Variants in NIM1K observed in about 807,000 individuals in gnomAD.
The protein encoded by NIM1K is NIM1 serine/threonine protein kinase, also known as serine/threonine-protein kinase NIM1.
A neutral mutation model predicts 37.1 loss-of-function variants in NIM1K; 35 were observed. The observed-to-expected ratio is 0.94, with a 90% CI of 0.72 to 1.25. The LOEUF is 1.25. Among genes scored for constraint, NIM1K ranks in the 50% most tolerant of loss-of-function variants. The probability of loss-of-function intolerance (pLI) is 0.00; values close to 1 mark genes in which losing one functional copy is unlikely to be tolerated. For missense variants in NIM1K, 564 were observed against 548.0 expected (o/e 1.03, Z -0.29); for synonymous variants, 234 against 206.6 (o/e 1.13, Z -1.14).
intron 3 of NIM1K, among the ~76,000 whole-genome samples, chr5:43,279,678 G>GT: frequency 6.6e-6 from 1 of 152,292 alleles, no homozygotes; most frequent in South Asian, 2.1e-4. Context: ...CTGTTTCATT[G>GT]TATTTCAGAA....
chr5:43,235,468 C>A (rs1443746299), intron 1 of NIM1K, among the ~76,000 whole-genome samples: 1 of 152,132 alleles, frequency 6.6e-6, no homozygotes, highest in Non-Finnish European at 1.5e-5. Flanking sequence ...CATTCCAGAC[C>A]CCACAGATGG....
chr5:43,259,228 G>GT (rs1191106488), intron 2 of NIM1K, among the ~76,000 whole-genome samples: 1 of 152,166 alleles, frequency 6.6e-6, no homozygotes, highest in Non-Finnish European at 1.5e-5. Flanking sequence ...GCATGCAGGT[G>GT]TTTTTTGATA....
chr5:43,194,187 C>T (rs747486002), intron 1 of NIM1K, among the ~76,000 whole-genome samples: 8 of 152,130 alleles, frequency 5.3e-5, no homozygotes, highest in Non-Finnish European at 1.0e-4. Flanking sequence ...GCCCAGATCG[C>T]CCTCGCCATT....
In NIM1K at chr5:43,229,048, C is replaced by G. The variant is rs573870643; in HGVS notation, c.-694-16034C>G. On this transcript the variant is annotated intron_variant, in intron 1 of 3. Transcript: ENST00000326035. ...ACTTTTTAAAACAATAACACGCTTA[C>G]TTGCTTCACCTTAGTTTCTTTAACA... Among the ~76,000 whole-genome samples the G allele has an allele frequency of 2.0e-5, 3 of 152,258 alleles. 1 individual carries two copies. The East Asian group carries it at 5.8e-4, about 29-fold the overall frequency.
At chr5:43,220,541 A>G (rs1004318379) in intron 1 of NIM1K, among the ~76,000 whole-genome samples, 18 of 152,130 alleles carry the variant, frequency 1.2e-4, no homozygotes, top group African/African-American at 4.3e-4. Context: ...TTGGCCTTCC[A>G]AAGTGCTGGG....
At chr5:43,193,364 T>C (rs1391460931) in intron 1 of NIM1K, 3 of 133,904 alleles carry the variant, frequency 2.2e-5, no homozygotes, top group African/African-American at 5.6e-5. Flanking sequence ...CCTCCCTCCC[T>C]CCCTTTCTCC....
rs1753417187 is a variant in NIM1K at position 43,280,226 on chromosome 5, C to A, written c.808C>A (p.Pro270Thr). Reference protein sequence around the residue: ...LLYFMVTGTMPFRAETVAKLK... With the variant: ...LLYFMVTGTMTFRAETVAKLK... Reference sequence around the variant, plus strand: ...GTACTTCATGGTGACTGGCACCATGCCATTTCGGGCAGAAACCGTGGCCAA... The same window carrying A: ...GTACTTCATGGTGACTGGCACCATGACATTTCGGGCAGAAACCGTGGCCAA... The change falls in exon 4 of 4, where the codon CCA becomes ACA. Residue 270 changes from proline (P) to threonine (T), a missense_variant. Physicochemically the swap from Pro to Thr is conservative, Grantham distance 38. Coordinates refer to ENST00000326035, the MANE Select transcript of NIM1K (RefSeq NM_153361.4). The A allele has an allele frequency of 6.2e-7, 1 of 1,614,068 alleles. No individual in the cohort carries two copies. Among genetic ancestry groups the A allele is most frequent in the Non-Finnish European group, 8.5e-7 (1 of 1,180,044 alleles).
At chr5:43,252,293 C>T (rs1389913181) in intron 2 of NIM1K, among the ~76,000 whole-genome samples, 2 of 151,990 alleles carry the variant, frequency 1.3e-5, no homozygotes, top group African/African-American at 4.8e-5. Context: ...TGTGTGGCCT[C>T]ACTGACATGC....
intron 1 of NIM1K, among the ~76,000 whole-genome samples, chr5:43,200,253 T>C (rs1751997693): frequency 6.6e-6 from 1 of 152,186 alleles, no homozygotes; most frequent in Non-Finnish European, 1.5e-5. Context: ...ACCCTTCTTA[T>C]TGAGCACTTG....
intron 1 of NIM1K, among the ~76,000 whole-genome samples, chr5:43,211,506 A>G (rs1343942548): frequency 6.6e-6 from 1 of 152,186 alleles, no homozygotes; most frequent in Non-Finnish European, 1.5e-5. Context: ...ACTGGGGGGA[A>G]TGTCAGTGAG....
intron 1 of NIM1K, among the ~76,000 whole-genome samples, chr5:43,193,813 GT>G (rs958524918): frequency 6.6e-6 from 1 of 152,122 alleles, no homozygotes; most frequent in Non-Finnish European, 1.5e-5. Flanking sequence ...GGTTGTCATG[GT>G]TACTGAAGAA....
intron 2 of NIM1K, among the ~76,000 whole-genome samples, chr5:43,260,918 T>C (rs934644966): frequency 1.3e-5 from 2 of 152,202 alleles, no homozygotes; most frequent in Admixed American, 6.5e-5. Flanking sequence ...GCTTCATCCA[T>C]GTCCCTGCAA....
chr5:43,193,282 T>C (rs1014782906), intron 1 of NIM1K: 1 of 151,976 alleles, frequency 6.6e-6, no homozygotes, highest in Admixed American at 6.6e-5. Flanking sequence ...TGTTTTTTCC[T>C]TCCCTCCTTC....
At chr5:43,204,499 C>G (rs1325635887) in intron 1 of NIM1K, among the ~76,000 whole-genome samples, 2 of 143,464 alleles carry the variant, frequency 1.4e-5, no homozygotes, top group African/African-American at 2.6e-5. Context: ...GTCAGGAGTT[C>G]AAGACCAGCC....
At chr5:43,278,788 C>A (rs1277373363) in intron 3 of NIM1K, among the ~76,000 whole-genome samples, 1 of 151,966 alleles carries the variant, frequency 6.6e-6, no homozygotes, top group East Asian at 1.9e-4. Flanking sequence ...GCCTAGAGGG[C>A]CCAAAATAGC....
Position 43,253,212 on chromosome 5 carries a change from A to ATAATATAATATATGTG in NIM1K, c.292+7146_292+7147insAATATAATATATGTGT, listed in dbSNP as rs1300038063. ...TATAATATAATATATAATATAATATATGTGTGTGTGTGTGTGTGTGTGTGT... is the reference window on the plus strand; with the variant it reads ...TATAATATAATATATAATATAATATATAATATAATATATGTGTGTGTGTGTGTGTGTGTGTGTGTGT... On this transcript the variant is annotated intron_variant, in intron 2 of 3. Transcript: ENST00000326035. Among the ~76,000 whole-genome samples, 196 of 131,736 alleles carry ATAATATAATATATGTG rather than the reference A, an allele frequency of 1.5e-3. 2 individuals are homozygous for ATAATATAATATATGTG. The East Asian group carries it at 0.033, about 22-fold the overall frequency. 86.4% of individuals were successfully genotyped at this position (131,736 alleles called of 152,430 possible). A position where few individuals can be genotyped will look rare whatever the true frequency, so the allele number is the denominator to read the frequency against.
In NIM1K at chr5:43,245,463, G is replaced by C; in HGVS notation, c.-313G>C. 4.3e-6 allele frequency: 1 copy of C among 230,706 alleles called. No homozygotes were observed. The allele number at this position is 230,706 out of a possible 1,614,324, so 14.3% of individuals were successfully genotyped here. On this transcript the variant is annotated 5_prime_UTR_variant, in exon 2 of 4. Coordinates refer to ENST00000326035, the MANE Select transcript of NIM1K (RefSeq NM_153361.4). ...TCCACGTCTGGCCAGAAAGTTCCTGGAGTCCCATCAGGCCAGTGGGTATGT... is the reference window on the plus strand; with the variant it reads ...TCCACGTCTGGCCAGAAAGTTCCTGCAGTCCCATCAGGCCAGTGGGTATGT...
chr5:43,271,495 T>A (rs1270076875), intron 2 of NIM1K, among the ~76,000 whole-genome samples: 1 of 152,196 alleles, frequency 6.6e-6, no homozygotes, highest in Non-Finnish European at 1.5e-5. Flanking sequence ...TATAAATACG[T>A]ATACATATAT....
chr5:43,223,331 A>G (rs1487615413), intron 1 of NIM1K, among the ~76,000 whole-genome samples: 1 of 152,160 alleles, frequency 6.6e-6, no homozygotes. Flanking sequence ...CTGATATATT[A>G]GCACCTACCT....
Sources: allele counts gnomAD v4.1 joint callset (sites outside exome capture counted in the v4.1 genomes callset), GRCh38; gene constraint gnomAD v4.1.1; transcripts MANE v1.5; gene names NCBI Gene and HGNC (gene_info 2026-07-23, HGNC 2026-07-21).